The following ATG10 variants were observed in gnomAD, a reference collection of about 807,000 sequenced individuals.
ATG10 encodes ubiquitin-like-conjugating enzyme ATG10.
ATG10 carries 30 observed loss-of-function variants against 32.1 expected under a neutral mutation model. The ratio of observed to expected loss-of-function variants is 0.94; its 90% confidence interval spans 0.70 to 1.27. The LOEUF is 1.27. Among genes scored for constraint, ATG10 ranks in the 50% most tolerant of loss-of-function variants. The pLI, the probability that ATG10 is intolerant of heterozygous loss-of-function variation, is 0.00. For synonymous variants in ATG10, 87 were observed against 91.5 expected, an observed-to-expected ratio of 0.95 and a Z score of 0.28; for missense variants, 233 against 262.3, an observed-to-expected ratio of 0.89 and a Z score of 0.77.
chr5:82,032,212 T>C (rs989959573), intron 2 of ATG10, among the ~76,000 whole-genome samples: 12 of 152,354 alleles, frequency 7.9e-5, no homozygotes, highest in Non-Finnish European at 1.2e-4. Context: ...GTGATAGATA[T>C]GGTTTTTGAT....
At chr5:82,032,687 G>T (rs1762777485) in intron 2 of ATG10, among the ~76,000 whole-genome samples, 1 of 151,562 alleles carries the variant, frequency 6.6e-6, no homozygotes. Context: ...GAGATTACCA[G>T]TGTTAACAGT....
intron 1 of ATG10, among the ~76,000 whole-genome samples, chr5:81,985,949 G>A (rs1761253880): frequency 6.6e-6 from 1 of 152,046 alleles, no homozygotes; most frequent in Admixed American, 6.6e-5. Flanking sequence ...TTTTTTAGTA[G>A]CGACGGGGTT....
At chr5:82,017,644 A>G (rs1236264635) in intron 2 of ATG10, among the ~76,000 whole-genome samples, 1 of 152,146 alleles carries the variant, frequency 6.6e-6, no homozygotes, top group African/African-American at 2.4e-5. Flanking sequence ...ATGCTTAACA[A>G]AAACTATTTG....
chr5:82,112,054 G>A (rs541904828), intron 3 of ATG10, among the ~76,000 whole-genome samples: 1 of 151,872 alleles, frequency 6.6e-6, no homozygotes, highest in Admixed American at 6.6e-5. Flanking sequence ...TTTTTTTTCT[G>A]TTTTGAACAC....
intron 1 of ATG10, among the ~76,000 whole-genome samples, chr5:81,983,238 C>CCT (rs1761118198): frequency 7.2e-6 from 1 of 139,728 alleles, no homozygotes; most frequent in South Asian, 2.3e-4. Context: ...GGGGCTGACC[C>CCT]CCCCCCCCAC....
chr5:82,029,475 G>C (rs1762684980), intron 2 of ATG10, among the ~76,000 whole-genome samples: 1 of 152,278 alleles, frequency 6.6e-6, no homozygotes, highest in African/African-American at 2.4e-5. Context: ...CAACCAGAAG[G>C]CTGAGTCAAG....
At position 81,996,488 on chromosome 5, in the gene ATG10, C is replaced by T. The variant is rs180879920; in HGVS notation, c.108+8810C>T. On this transcript the variant is annotated intron_variant, in intron 2 of 7. Coordinates refer to ENST00000282185, the MANE Select transcript of ATG10 (RefSeq NM_031482.5). ...CTCCTGGCCTCAAGCGATCCTCCCA[C>T]CTTGGCTTCCCAAAGTGCTGGGATT... Among the ~76,000 whole-genome samples the T allele has an allele frequency of 1.3e-3, 198 of 152,344 alleles. 1 individual carries two copies. Among genetic ancestry groups the T allele is most frequent in the African/African-American group, 4.3e-3 (179 of 41,582 alleles).
At chr5:82,056,095 T>C (rs11741303) in intron 2 of ATG10, among the ~76,000 whole-genome samples, 9,558 of 152,260 alleles carry the variant, frequency 0.063, 385 homozygotes, top group Non-Finnish European at 0.09. Context: ...GATGCATGAC[T>C]GTATATGGTA....
rs1264510455 is a variant in ATG10, at chr5:82,237,176, C to G, written c.454-15386C>G. Reference sequence around the variant, plus strand: ...AGGCAATTTTTCTTCTCCAAACTTACCAAACTTCTCAGTCTTACCTAAAAG... The same window carrying G: ...AGGCAATTTTTCTTCTCCAAACTTAGCAAACTTCTCAGTCTTACCTAAAAG... On this transcript the variant is annotated intron_variant, in intron 5 of 7. Transcript: ENST00000282185. 2.0e-5 allele frequency among the ~76,000 whole-genome samples: 3 copies of G among 152,120 alleles called. No homozygotes were observed. The East Asian group carries it at 5.8e-4, about 29-fold the overall frequency.
intron 2 of ATG10, among the ~76,000 whole-genome samples, chr5:81,999,692 A>G (rs977588604): frequency 2.6e-5 from 4 of 152,174 alleles, no homozygotes; most frequent in Non-Finnish European, 5.9e-5. Context: ...CAGAAATGAC[A>G]AAGGGGACAT....
intron 4 of ATG10, among the ~76,000 whole-genome samples, chr5:82,177,895 A>C (rs1462820642): frequency 6.6e-6 from 1 of 152,038 alleles, no homozygotes; most frequent in Non-Finnish European, 1.5e-5. Context: ...TCTTCCTTGG[A>C]CCATCAGTGA....
intron 4 of ATG10, among the ~76,000 whole-genome samples, chr5:82,166,111 T>C (rs1743568443): frequency 6.6e-6 from 1 of 152,148 alleles, no homozygotes; most frequent in Non-Finnish European, 1.5e-5. Flanking sequence ...TGCCAACAGC[T>C]CCCCTTACAG....
intron 3 of ATG10, among the ~76,000 whole-genome samples, chr5:82,119,984 TTGTGTGTGTG>T (rs5869106): frequency 0.069 from 10,247 of 148,258 alleles, 487 homozygotes; most frequent in African/African-American, 0.14. Flanking sequence ...CCACCATTTA[TTGTGTGTGTG>T]TGTGTGTGTG....
At chr5:82,036,394 G>A (rs1762923390) in intron 2 of ATG10, among the ~76,000 whole-genome samples, 1 of 152,178 alleles carries the variant, frequency 6.6e-6, no homozygotes, top group African/African-American at 2.4e-5. Context: ...AGGAGTTCGA[G>A]ATTAGCCTGG....
chr5:82,094,858 T>C (rs1765001683), intron 3 of ATG10, among the ~76,000 whole-genome samples: 1 of 152,128 alleles, frequency 6.6e-6, no homozygotes, highest in African/African-American at 2.4e-5. Flanking sequence ...CATGAAAAGA[T>C]GTCATCAACA....
At chr5:81,974,771 T>C (rs1342281731) in intron 1 of ATG10, among the ~76,000 whole-genome samples, 1 of 152,158 alleles carries the variant, frequency 6.6e-6, no homozygotes, top group African/African-American at 2.4e-5. Flanking sequence ...GAGAGCTATG[T>C]CTCCAAGCTT....
intron 3 of ATG10, among the ~76,000 whole-genome samples, chr5:82,144,234 C>T (rs1051350363): frequency 2.0e-5 from 3 of 151,684 alleles, no homozygotes; most frequent in Admixed American, 1.3e-4. Context: ...ATCAGTTTTG[C>T]TAGAGGTTCA....
At chr5:82,154,927 T>A (rs563686949) in intron 3 of ATG10, among the ~76,000 whole-genome samples, 1 of 152,348 alleles carries the variant, frequency 6.6e-6, no homozygotes, top group Admixed American at 6.5e-5. Flanking sequence ...CCTTGCTGAT[T>A]CCTAGACATG....
intron 3 of ATG10, among the ~76,000 whole-genome samples, chr5:82,131,473 A>G (rs571846980): frequency 1.3e-5 from 2 of 152,116 alleles, no homozygotes; most frequent in African/African-American, 4.8e-5. Flanking sequence ...TTCTCTTTTC[A>G]CATGTGTAAC....
Sources: allele counts gnomAD v4.1 joint callset (sites outside exome capture counted in the v4.1 genomes callset), GRCh38; gene constraint gnomAD v4.1.1; transcripts MANE v1.5; gene names NCBI Gene and HGNC (gene_info 2026-07-23, HGNC 2026-07-21).